Variants in MAML2 observed in about 807,000 individuals in gnomAD.
MAML2 encodes mastermind like transcriptional coactivator 2.
Under a neutral mutation model 96.1 loss-of-function variants are expected in MAML2, and 22 were observed. That is an observed-to-expected ratio of 0.23 (90% CI 0.16 to 0.33). The LOEUF is 0.33. Among genes scored for constraint, MAML2 ranks in the 10% least tolerant of loss-of-function variants. The probability of loss-of-function intolerance (pLI) is 1.00; values close to 1 mark genes in which losing one functional copy is unlikely to be tolerated. For synonymous variants in MAML2, 561 were observed against 521.3 expected, an observed-to-expected ratio of 1.08 and a Z score of -1.04; for missense variants, 1,367 against 1,392.4, an observed-to-expected ratio of 0.98 and a Z score of 0.29.
At chr11:96,062,689 G>C (rs1043086012) in intron 2 of MAML2, among the ~76,000 whole-genome samples, 2 of 152,158 alleles carry the variant, frequency 1.3e-5, no homozygotes, top group Non-Finnish European at 2.9e-5. Context: ...CCCACCAGCA[G>C]CTCTCCTTAT....
At chr11:96,313,427 G>A (rs1183636936) in intron 1 of MAML2, among the ~76,000 whole-genome samples, 1 of 152,090 alleles carries the variant, frequency 6.6e-6, no homozygotes, top group African/African-American at 2.4e-5. Context: ...CTGCCTCATT[G>A]CATTTCCCTT....
chr11:96,289,833 T>TAA (rs538511788), intron 1 of MAML2, among the ~76,000 whole-genome samples: 1 of 150,112 alleles, frequency 6.7e-6, no homozygotes, highest in Non-Finnish European at 1.5e-5. Context: ...TGTTCTCTCT[T>TAA]AAAAAAAAAT....
intron 2 of MAML2, among the ~76,000 whole-genome samples, chr11:96,088,637 C>T (rs893637990): frequency 3.9e-5 from 6 of 152,168 alleles, no homozygotes; most frequent in African/African-American, 1.2e-4. Flanking sequence ...CTGCTATAGA[C>T]ATTTTGTAAA....
chr11:96,184,286 T>TA (rs1344871122), intron 1 of MAML2, among the ~76,000 whole-genome samples: 1 of 151,760 alleles, frequency 6.6e-6, no homozygotes, highest in Non-Finnish European at 1.5e-5. Flanking sequence ...ACTAAAAACG[T>TA]AAAAATTAGT....
At chr11:96,077,059 T>C (rs1242837356) in intron 2 of MAML2, among the ~76,000 whole-genome samples, 1 of 152,100 alleles carries the variant, frequency 6.6e-6, no homozygotes, top group Non-Finnish European at 1.5e-5. Flanking sequence ...CTGACTTCCT[T>C]CTGCAAACAG....
chr11:96,334,798 T>G (rs2136019845), intron 1 of MAML2, among the ~76,000 whole-genome samples: 1 of 152,342 alleles, frequency 6.6e-6, no homozygotes. Flanking sequence ...CATTAAGACC[T>G]TTGGAGAGCT....
intron 1 of MAML2, among the ~76,000 whole-genome samples, chr11:96,141,090 T>C (rs1243971391): frequency 6.6e-6 from 1 of 152,116 alleles, no homozygotes; most frequent in East Asian, 1.9e-4. Flanking sequence ...TTGTTAGTTA[T>C]CCAATACTCA....
Position 95,996,016 on chromosome 11 carries a change from A to G in MAML2, c.2140-4293T>C, listed in dbSNP as rs1027933115. Among the ~76,000 whole-genome samples, 4 of 152,202 alleles carry G rather than the reference A, an allele frequency of 2.6e-5. No homozygotes were observed. The East Asian group carries it at 7.7e-4, about 29-fold the overall frequency. On this transcript the variant is annotated intron_variant, in intron 2 of 4. Transcript: ENST00000524717. The stretch of plus-strand genomic sequence containing the variant: ...GATCATGGCATACATTTACCTATGT[A>G]ACAAACCTGCACATCCTGCACATGT...
intron 1 of MAML2, among the ~76,000 whole-genome samples, chr11:96,311,615 AAC>A (rs1277963128): frequency 3.3e-5 from 5 of 152,298 alleles, no homozygotes; most frequent in Admixed American, 1.3e-4. Context: ...TGAGGTTCGA[AAC>A]ACAGTCTTAC....
chr11:96,330,183 G>A (rs909522744), intron 1 of MAML2, among the ~76,000 whole-genome samples: 1 of 152,226 alleles, frequency 6.6e-6, no homozygotes, highest in African/African-American at 2.4e-5. Flanking sequence ...ACAGTGATCT[G>A]AGGAAGCCTA....
intron 2 of MAML2, among the ~76,000 whole-genome samples, chr11:96,022,178 C>T (rs762565307): frequency 1.7e-4 from 26 of 152,292 alleles, no homozygotes; most frequent in African/African-American, 3.4e-4. Flanking sequence ...GAAGAAACTA[C>T]GTTGAATTTC....
intron 1 of MAML2, among the ~76,000 whole-genome samples, chr11:96,297,231 T>C (rs1305116370): frequency 1.3e-5 from 2 of 152,168 alleles, no homozygotes; most frequent in African/African-American, 4.8e-5. Flanking sequence ...ATTTAATTAA[T>C]TCAAAAGTTT....
intron 1 of MAML2, among the ~76,000 whole-genome samples, chr11:96,242,693 C>T (rs1482859004): frequency 3.3e-5 from 5 of 152,074 alleles, no homozygotes; most frequent in Admixed American, 2.6e-4. Flanking sequence ...TTTTAACTTA[C>T]ACAGACAATA....
At chr11:96,214,482 T>C (rs993202078) in intron 1 of MAML2, among the ~76,000 whole-genome samples, 16 of 152,340 alleles carry the variant, frequency 1.1e-4, no homozygotes, top group Admixed American at 1.0e-3. Flanking sequence ...AACCTTTAGT[T>C]CTCATTTCCT....
chr11:96,095,248 G>A (rs1302103978), intron 1 of MAML2, among the ~76,000 whole-genome samples: 3 of 152,164 alleles, frequency 2.0e-5, no homozygotes, highest in Non-Finnish European at 2.9e-5. Context: ...CAGGTAAAAT[G>A]ATGAGGAATA....
intron 2 of MAML2, among the ~76,000 whole-genome samples, chr11:96,072,454 A>G (rs1327173464): frequency 6.6e-6 from 1 of 152,264 alleles, no homozygotes; most frequent in Non-Finnish European, 1.5e-5. Context: ...GAAGCTATTA[A>G]ATTTCTCTTA....
chr11:96,300,595 ACTGT>A (rs1863372782), intron 1 of MAML2, among the ~76,000 whole-genome samples: 1 of 152,200 alleles, frequency 6.6e-6, no homozygotes, highest in South Asian at 2.1e-4. Flanking sequence ...AAGGCAGCAC[ACTGT>A]CTGATGTCAG....
rs2135810589 is a variant in MAML2 at position 96,092,148 on chromosome 11, T to A, written c.1883A>T (p.Gln628Leu). Residue 628 changes from glutamine to leucine, a missense_variant, in exon 2 of 5, where the codon CAA becomes CTA. Transcript: ENST00000524717. This position sits in a 1 kb window ranked among gnomAD's most constrained non-coding sequence, Gnocchi z 4.1. Reference sequence around the variant, plus strand: ...AATTGAGCTCTGCTGCTGTTGCTGTTGTTGAGCTGAAATTGAACTCTGCTG... The same window carrying A: ...AATTGAGCTCTGCTGCTGTTGCTGTAGTTGAGCTGAAATTGAACTCTGCTG... ...QQQQSSISAQQQQQQQSSISA... is the reference protein window; with the variant it reads ...QQQQSSISAQLQQQQQSSISA... 2 of 1,550,784 alleles carry A rather than the reference T, an allele frequency of 1.3e-6. No homozygotes were observed. Among genetic ancestry groups the A allele is most frequent in the East Asian group, 4.9e-5 (2 of 40,904 alleles).
chr11:96,130,986 G>T (rs773835742), intron 1 of MAML2, among the ~76,000 whole-genome samples: 4 of 151,986 alleles, frequency 2.6e-5, no homozygotes, highest in South Asian at 2.1e-4. Flanking sequence ...TTTAATTAGG[G>T]GTAGAAAGAC....
Sources: allele counts gnomAD v4.1 joint callset (sites outside exome capture counted in the v4.1 genomes callset), GRCh38; gene constraint gnomAD v4.1.1; non-coding constraint Gnocchi (gnomAD v3.1); transcripts MANE v1.5; gene names NCBI Gene and HGNC (gene_info 2026-07-23, HGNC 2026-07-21).